CDC73: variants seen among roughly 807,000 people sequenced by gnomAD.
CDC73 encodes the protein parafibromin.
A neutral mutation model predicts 83.7 loss-of-function variants in CDC73; 21 were observed. That is an observed-to-expected ratio of 0.25 (90% CI 0.18 to 0.36). CDC73 has a LOEUF of 0.36. Ranked by LOEUF, CDC73 falls within the 10% of genes least tolerant of loss-of-function variation. CDC73 has a pLI of 1.00. For synonymous variants in CDC73, 224 were observed against 212.9 expected, an observed-to-expected ratio of 1.05 and a Z score of -0.45; for missense variants, 342 against 653.3, an observed-to-expected ratio of 0.52 and a Z score of 5.19.
intron 10 of CDC73, among the ~76,000 whole-genome samples, chr1:193,152,848 C>T (rs1039957623): frequency 4.6e-5 from 7 of 152,022 alleles, no homozygotes; most frequent in South Asian, 2.1e-4. Flanking sequence ...GGTGCGATCT[C>T]GGCTCACTGC....
At position 193,174,072 on chromosome 1, in the gene CDC73, G is replaced by A. The variant is rs1676564233; in HGVS notation, c.972+21628G>A. On this transcript the variant is annotated intron_variant, in intron 10 of 16. Coordinates refer to ENST00000367435, the MANE Select transcript of CDC73 (RefSeq NM_024529.5). ...AAATTGTAAATTTTTTTCCCATTAC[G>A]TTTCTTCTGAATTCTATCCACAATT... 2.0e-5 allele frequency among the ~76,000 whole-genome samples: 3 copies of A among 151,120 alleles called. 1 individual carries two copies. Among genetic ancestry groups the A allele is most frequent in the Admixed American group, 1.3e-4 (2 of 15,156 alleles).
rs368914128 is a variant in CDC73 at position 193,203,774 on chromosome 1, T to C, written c.973-21T>C. 4.5e-5 allele frequency: 71 copies of C among 1,588,350 alleles called. No homozygotes were observed. The African/African-American group carries it at 5.0e-4, about 11-fold the overall frequency. ...TGTAAAGAAACTTTGATCTTATATA[T>C]CAATTCTTATTCTTTTAAAGGAGGG... On this transcript the variant is annotated intron_variant, in intron 10 of 16. Coordinates refer to ENST00000367435, the MANE Select transcript of CDC73 (RefSeq NM_024529.5).
Position 193,249,874 on chromosome 1 carries a change from A to G in CDC73, c.1559+3A>G. The G allele has an allele frequency of 6.2e-7, 1 of 1,612,086 alleles. No homozygotes were observed. ...CGGTTTTGGGAAACATTGGACAGGT[A>G]ATTCCGATTCTAAAATATGCTTGTG... is the stretch of plus-strand genomic sequence containing the variant. On this transcript the variant is annotated splice_donor_region_variant and intron_variant, in intron 16 of 16. Coordinates refer to ENST00000367435, the MANE Select transcript of CDC73 (RefSeq NM_024529.5).
chr1:193,240,045 T>C (rs7556154), intron 15 of CDC73, among the ~76,000 whole-genome samples: 6,305 of 152,234 alleles, frequency 0.041, 423 homozygotes, highest in African/African-American at 0.14. Flanking sequence ...TAGTATCTTA[T>C]CATTTTACTG....
intron 15 of CDC73, among the ~76,000 whole-genome samples, chr1:193,242,568 C>T (rs1677881071): frequency 6.6e-6 from 1 of 152,306 alleles, no homozygotes; most frequent in East Asian, 1.9e-4. Flanking sequence ...CTCCTGGTAA[C>T]TTACAGAAGG....
chr1:193,205,330 C>T (rs1367409773), intron 11 of CDC73, among the ~76,000 whole-genome samples: 1 of 151,038 alleles, frequency 6.6e-6, no homozygotes, highest in East Asian at 2.0e-4. Flanking sequence ...ATCAATAGTG[C>T]AGATTTGGAT....
At chr1:193,143,926 A>G (rs1675949093) in intron 7 of CDC73, among the ~76,000 whole-genome samples, 2 of 152,082 alleles carry the variant, frequency 1.3e-5, no homozygotes, top group Non-Finnish European at 2.9e-5. Context: ...CCTGGCCAAC[A>G]TGGTGAAACC....
chr1:193,162,180 ATATAT>A (rs1345607943), intron 10 of CDC73, among the ~76,000 whole-genome samples: 21 of 80,822 alleles, frequency 2.6e-4, no homozygotes, highest in South Asian at 8.2e-4. Flanking sequence ...AATATATATT[ATATAT>A]TATCTATTAT....
chr1:193,125,184 C>T lies in CDC73; in HGVS notation c.204C>T (p.His68=), dbSNP rs1052345208. The T allele has an allele frequency of 1.1e-5, 17 of 1,601,208 alleles. No homozygotes were observed. Among genetic ancestry groups the T allele is most frequent in the Non-Finnish European group, 1.5e-5 (17 of 1,168,316 alleles). The change falls in exon 2 of 17, where the codon CAC becomes CAT. Residue 68 remains histidine (H), a synonymous_variant. Transcript: ENST00000367435. ...TTTTATTTCTACTTAATAACGTGCA[C>T]CTTTCTCATCCTGTTTATGTCCGAC... ...DSILFLLNNV[H]LSHPVYVRRA...
At chr1:193,160,660 C>A (rs571639837) in intron 10 of CDC73, among the ~76,000 whole-genome samples, 53 of 152,066 alleles carry the variant, frequency 3.5e-4, no homozygotes, top group African/African-American at 1.2e-3. Flanking sequence ...TTTCCTACTA[C>A]TCCTTGTATT....
intron 10 of CDC73, among the ~76,000 whole-genome samples, chr1:193,200,680 C>A (rs576827179): frequency 6.6e-6 from 1 of 152,176 alleles, no homozygotes; most frequent in South Asian, 2.1e-4. Context: ...TTTTTTCTTC[C>A]AATCCAAATC....
rs587776559 is a variant in CDC73 at position 193,130,173 on chromosome 1, G to T, written c.238-1G>T. The T allele has an allele frequency of 6.4e-7, 1 of 1,561,248 alleles. No homozygotes were observed. The highest frequency in any genetic ancestry group is 1.1e-5 in the South Asian group (1 of 89,954). Reference sequence around the variant, plus strand: ...TATCTCATTTAAAATTTTGGTTTTAGACTGAAAATATTCCTGTGGTTAGAA... The same window carrying T: ...TATCTCATTTAAAATTTTGGTTTTATACTGAAAATATTCCTGTGGTTAGAA... On this transcript the variant is annotated splice_acceptor_variant, in intron 2 of 16. Coordinates refer to ENST00000367435, the MANE Select transcript of CDC73 (RefSeq NM_024529.5). LOFTEE classifies it high-confidence loss of function.
chr1:193,216,639 T>TAA (rs896564317), intron 13 of CDC73, among the ~76,000 whole-genome samples: 1 of 145,524 alleles, frequency 6.9e-6, no homozygotes, highest in Admixed American at 6.8e-5. Flanking sequence ...GAGAGACAAT[T>TAA]AAAAAAAAAA....
intron 10 of CDC73, among the ~76,000 whole-genome samples, chr1:193,197,616 T>TA (rs1231386635): frequency 6.6e-6 from 1 of 152,170 alleles, no homozygotes; most frequent in Non-Finnish European, 1.5e-5. Flanking sequence ...ATCTGGCACT[T>TA]ACTATGCTTT....
chr1:193,210,393 T>C (rs1677259361), intron 11 of CDC73, among the ~76,000 whole-genome samples: 1 of 152,240 alleles, frequency 6.6e-6, no homozygotes, highest in Non-Finnish European at 1.5e-5. Flanking sequence ...TTAAGTCTCC[T>C]AAATTTTTCT....
intron 1 of CDC73, among the ~76,000 whole-genome samples, chr1:193,123,954 T>TTGAA (rs1009465504): frequency 1.9e-4 from 29 of 152,350 alleles, no homozygotes; most frequent in Admixed American, 3.9e-4. Flanking sequence ...CAAAGTTTTC[T>TTGAA]TGAATGAATG....
At chr1:193,174,573 T>C (rs1676571769) in intron 10 of CDC73, among the ~76,000 whole-genome samples, 1 of 152,228 alleles carries the variant, frequency 6.6e-6, no homozygotes, top group South Asian at 2.1e-4. Flanking sequence ...TTACTGTTAA[T>C]GATGCTTTGT....
intron 10 of CDC73, among the ~76,000 whole-genome samples, chr1:193,152,932 C>T (rs1456025553): frequency 1.3e-5 from 2 of 152,096 alleles, no homozygotes; most frequent in African/African-American, 4.8e-5. Context: ...AGGTGCCCAC[C>T]ACCATGCCCA....
chr1:193,247,775 C>G (rs980844352), intron 15 of CDC73, among the ~76,000 whole-genome samples: 1 of 152,122 alleles, frequency 6.6e-6, no homozygotes, highest in East Asian at 1.9e-4. Flanking sequence ...GAGCCTGATC[C>G]TGAGCAGTGC....
Sources: allele counts gnomAD v4.1 joint callset (sites outside exome capture counted in the v4.1 genomes callset), GRCh38; gene constraint gnomAD v4.1.1; transcripts MANE v1.5; gene names NCBI Gene and HGNC (gene_info 2026-07-23, HGNC 2026-07-21).